NFASC: variants seen among roughly 807,000 people sequenced by gnomAD.
The protein encoded by NFASC is neurofascin.
In NFASC, 43 loss-of-function variants were observed where a neutral mutation model predicts 147.5. That is an observed-to-expected ratio of 0.29 (90% CI 0.23 to 0.38). The LOEUF is 0.38. Ranked by LOEUF, NFASC falls within the 10% of genes least tolerant of loss-of-function variation. The pLI is 1.00. For missense variants in NFASC, 1,320 were observed against 1,689.0 expected (o/e 0.78, Z 3.83); for synonymous variants, 622 against 665.5 (o/e 0.93, Z 1.01).
intron 4 of NFASC, among the ~76,000 whole-genome samples, chr1:204,951,424 A>G (rs2094119844): frequency 6.6e-6 from 1 of 150,412 alleles, no homozygotes; most frequent in East Asian, 2.0e-4. Context: ...TCAGCCTCTC[A>G]AAGTGCTGGG....
At chr1:204,831,340 G>T (rs1400444538) in intron 1 of NFASC, among the ~76,000 whole-genome samples, 1 of 151,072 alleles carries the variant, frequency 6.6e-6, no homozygotes, top group African/African-American at 2.4e-5. Context: ...AGCTCCCTGT[G>T]GGCTGAACTG....
At chr1:204,961,432 T>G (rs1250988871) in intron 8 of NFASC, among the ~76,000 whole-genome samples, 2 of 152,240 alleles carry the variant, frequency 1.3e-5, no homozygotes, top group African/African-American at 4.8e-5. Context: ...CTCAGGGATG[T>G]TCTCCCCACC....
In NFASC at chr1:204,888,094, G is replaced by A. The variant is rs537405548; in HGVS notation, c.-199-32538G>A. 3.4e-4 allele frequency among the ~76,000 whole-genome samples: 52 copies of A among 152,250 alleles called. No individual in the cohort carries two copies. The South Asian group carries it at 0.01, about 30-fold the overall frequency. On this transcript the variant is annotated intron_variant, in intron 1 of 29. Transcript: ENST00000339876. ...GCCGGAGGCTGCAAATGGTCTCTAG[G>A]GTTTTCTCTCTTCTCCCCCTTGGCT...
At chr1:204,976,137 T>C (rs1282552151) in intron 15 of NFASC, among the ~76,000 whole-genome samples, 1 of 152,050 alleles carries the variant, frequency 6.6e-6, no homozygotes, top group Non-Finnish European at 1.5e-5. Flanking sequence ...CAGAGGGTGT[T>C]CCCCTCTGTA....
At position 205,019,732 on chromosome 1, in the gene NFASC, T is replaced by C. The variant is rs1019631745; in HGVS notation, c.*3193T>C. The C allele has an allele frequency of 6.6e-6, 1 of 152,246 alleles. No individual in the cohort carries two copies. Among genetic ancestry groups the C allele is most frequent in the East Asian group, 1.9e-4 (1 of 5,194 alleles). 9.4% of individuals were successfully genotyped at this position (152,246 alleles called of 1,614,324 possible). A position where few individuals can be genotyped will look rare whatever the true frequency, so the allele number is the denominator to read the frequency against. ...GCTTGGTCCATCTGGTCACCAAGGC[T>C]GGGCGGGACAGAGCAGTCAAGAACC... On this transcript the variant is annotated 3_prime_UTR_variant, in exon 30 of 30. Coordinates refer to ENST00000339876, the MANE Select transcript of NFASC (RefSeq NM_001005388.3).
intron 1 of NFASC, among the ~76,000 whole-genome samples, chr1:204,915,124 A>C (rs920103451): frequency 6.6e-6 from 1 of 151,866 alleles, no homozygotes; most frequent in Non-Finnish European, 1.5e-5. Context: ...CTAAAAATAC[A>C]AAAAAATTAG....
At chr1:204,941,757 G>A (rs1489245832) in intron 2 of NFASC, among the ~76,000 whole-genome samples, 1 of 152,172 alleles carries the variant, frequency 6.6e-6, no homozygotes, top group Non-Finnish European at 1.5e-5. Context: ...TAGCCAGAGG[G>A]TCCCTCCTTG....
chr1:204,919,836 C>T (rs956214047), intron 1 of NFASC, among the ~76,000 whole-genome samples: 11 of 152,176 alleles, frequency 7.2e-5, no homozygotes, highest in African/African-American at 2.4e-4. Context: ...CCATGCTGAT[C>T]TCAAACTCCT....
chr1:204,988,361 C>T (rs1262489844), intron 22 of NFASC, among the ~76,000 whole-genome samples: 2 of 152,186 alleles, frequency 1.3e-5, no homozygotes, highest in African/African-American at 2.4e-5. Flanking sequence ...AGAATATAAA[C>T]GGAATCTTTC....
intron 2 of NFASC, among the ~76,000 whole-genome samples, chr1:204,921,702 A>G (rs2090521681): frequency 6.6e-6 from 1 of 152,202 alleles, no homozygotes; most frequent in Admixed American, 6.5e-5. Flanking sequence ...AGTTTGTACA[A>G]CAGGGATAAT....
rs942702067 is a variant in NFASC, at chr1:204,870,567, G to T, written c.-200+41785G>T. On this transcript the variant is annotated intron_variant, in intron 1 of 29. Transcript: ENST00000339876. ...ACCCCACCCCCGCCTTGGGGAGCCTGGCCCGGCCTGGTACGTCTCTCTGTC... is the reference window on the plus strand; with the variant it reads ...ACCCCACCCCCGCCTTGGGGAGCCTTGCCCGGCCTGGTACGTCTCTCTGTC... 18 of 661,498 alleles carry T rather than the reference G, an allele frequency of 2.7e-5. No individual in the cohort carries two copies. In the Admixed American group the frequency reaches 4.0e-4, roughly 15 times the overall value. 41.0% of individuals were successfully genotyped at this position (661,498 alleles called of 1,614,324 possible).
chr1:204,859,178 A>G (rs1038098175), intron 1 of NFASC, among the ~76,000 whole-genome samples: 2 of 152,066 alleles, frequency 1.3e-5, no homozygotes, highest in Non-Finnish European at 2.9e-5. Context: ...GGGTTTCGCC[A>G]TGTTGGCCAG....
chr1:204,930,364 T>C (rs1337997036), intron 2 of NFASC, among the ~76,000 whole-genome samples: 1 of 152,192 alleles, frequency 6.6e-6, no homozygotes, highest in Non-Finnish European at 1.5e-5. Context: ...GTTATTGCTT[T>C]TGTTGTTATT....
intron 1 of NFASC, among the ~76,000 whole-genome samples, chr1:204,918,997 C>A (rs1170594922): frequency 6.6e-6 from 1 of 152,010 alleles, no homozygotes; most frequent in East Asian, 1.9e-4. Flanking sequence ...GTCCCCTGCA[C>A]TTCTTGTCTC....
At position 204,835,241 on chromosome 1, in the gene NFASC, G is replaced by A. The variant is rs189280073; in HGVS notation, c.-200+6459G>A. On this transcript the variant is annotated intron_variant, in intron 1 of 29. Transcript: ENST00000339876. ...TTTTTTTTTTTTTTTTTTTTTTTGA[G>A]ATGGAGTCTTGCTCTGTCACCCAGG... is the stretch of plus-strand genomic sequence containing the variant. Among the ~76,000 whole-genome samples, 815 of 101,020 alleles carry A rather than the reference G, an allele frequency of 8.1e-3. 16 individuals carry two copies. The highest frequency in any genetic ancestry group is 0.031 in the African/African-American group (779 of 24,840). 66.3% of individuals were successfully genotyped at this position (101,020 alleles called of 152,430 possible).
chr1:204,877,192 A>C (rs1169752612), intron 1 of NFASC, among the ~76,000 whole-genome samples: 1 of 149,882 alleles, frequency 6.7e-6, no homozygotes, highest in Non-Finnish European at 1.5e-5. Flanking sequence ...TTCACAAAGC[A>C]GGGGATGCAC....
chr1:204,860,039 T>G (rs943677498), intron 1 of NFASC, among the ~76,000 whole-genome samples: 4 of 151,782 alleles, frequency 2.6e-5, no homozygotes, highest in African/African-American at 9.7e-5. Context: ...GGCAGAAGAG[T>G]GTGGCGTGGG....
intron 2 of NFASC, among the ~76,000 whole-genome samples, chr1:204,925,077 G>A (rs1392029842): frequency 2.0e-5 from 3 of 152,188 alleles, no homozygotes; most frequent in Non-Finnish European, 4.4e-5. Context: ...GTTTCACTGT[G>A]TTGGCCAGGC....
chr1:204,920,025 T>C (rs1349340664), intron 1 of NFASC, among the ~76,000 whole-genome samples: 1 of 152,220 alleles, frequency 6.6e-6, no homozygotes, highest in East Asian at 1.9e-4. Context: ...CCCTGCTAAC[T>C]AATGATCTGA....
Sources: allele counts gnomAD v4.1 joint callset (sites outside exome capture counted in the v4.1 genomes callset), GRCh38; gene constraint gnomAD v4.1.1; transcripts MANE v1.5; gene names NCBI Gene and HGNC (gene_info 2026-07-23, HGNC 2026-07-21).